Variants in USP11 observed in about 807,000 individuals in gnomAD.
USP11 encodes the protein ubiquitin carboxyl-terminal hydrolase 11.
USP11 carries 5 observed loss-of-function variants against 72.8 expected under a neutral mutation model. The observed-to-expected ratio is 0.07, with a 90% CI of 0.04 to 0.14. The LOEUF is 0.14. USP11 is among the 10% of genes least tolerant of loss of function. USP11 has a pLI of 1.00. For missense variants in USP11, 480 were observed against 794.7 expected (o/e 0.60, Z 4.76); for synonymous variants, 368 against 326.5 (o/e 1.13, Z -1.37).
At chrX:47,244,172 C>G (rs777710917) in intron 13 of USP11, among the ~76,000 whole-genome samples, 3 of 100,721 alleles carry the variant, frequency 3.0e-5, no homozygotes, top group Non-Finnish European at 5.9e-5. Flanking sequence ...GATCTTGGCT[C>G]ACTGCAACCT....
chrX:47,245,803 C>CA (rs1436299246), intron 17 of USP11, among the ~76,000 whole-genome samples: 7 of 111,465 alleles, frequency 6.3e-5, no homozygotes, highest in African/African-American at 2.3e-4. Flanking sequence ...CTTGGCCTTC[C>CA]AAAGTGCTGG....
rs1359383227 is a variant in USP11 at position 47,245,295 on chromosome X, C to T, written c.2158-75C>T. On this transcript the variant is annotated intron_variant, in intron 16 of 20. Transcript: ENST00000377107. ...TGACCCACTCAGTGTGTGTCTCCCCCGCTGGGCCCCCACTCCCCATTTCTC... is the reference window on the plus strand; with the variant it reads ...TGACCCACTCAGTGTGTGTCTCCCCTGCTGGGCCCCCACTCCCCATTTCTC... 3.0e-5 allele frequency: 30 copies of T among 1,011,467 alleles called. 1 individual carries two copies. The highest frequency in any genetic ancestry group is 5.6e-5 in the African/African-American group (3 of 53,199). 83.4% of individuals were successfully genotyped at this position (1,011,467 alleles called of 1,213,427 possible).
In USP11 at chrX:47,239,850, C is replaced by T. The variant is rs1173522282; in HGVS notation, c.478C>T (p.Arg160Trp). The change falls in exon 4 of 21, where the codon CGG becomes TGG. Residue 160 changes from arginine (R) to tryptophan (W), a missense_variant. Physicochemically the swap from Arg to Trp is moderately radical, Grantham distance 101 (BLOSUM62 -3). Around this residue, in one of 5 missense-constraint regions of USP11, gnomAD observed 80 missense variants for 100.9 expected, o/e 0.79. Transcript: ENST00000377107. ...GTACCCAGTAGAACTGCTGCTTGTC[C>T]GGCACAATGATTTGGGCAAATCTCA... is the stretch of plus-strand genomic sequence containing the variant. ...EVYPVELLLV[R>W]HNDLGKSHTV... is the part of the protein sequence containing the mutation. 4 of 1,209,941 alleles carry T rather than the reference C, an allele frequency of 3.3e-6. No homozygotes were observed. Among genetic ancestry groups the T allele is most frequent in the South Asian group, 1.8e-5 (1 of 56,840 alleles).
At position 47,248,175 on chromosome X, in the gene USP11, C is replaced by T. The variant is rs1328051904; in HGVS notation, c.*245C>T. 2.0e-5 allele frequency: 8 copies of T among 405,805 alleles called. No homozygotes were observed. The highest frequency in any genetic ancestry group is 3.3e-5 in the Non-Finnish European group (8 of 243,853). The allele number at this position is 405,805 out of a possible 1,213,427, so 33.4% of individuals were successfully genotyped here. A position where few individuals can be genotyped will look rare whatever the true frequency, so the allele number is the denominator to read the frequency against. On this transcript the variant is annotated 3_prime_UTR_variant, in exon 21 of 21. Transcript: ENST00000377107. The stretch of plus-strand genomic sequence containing the variant: ...TCCAGCAGTGACCCTCCCTTCTAGT[C>T]TTTATTTATGGTCGTGCCCTTCCCT...
chrX:47,242,213 C>A lies in USP11; in HGVS notation c.1311C>A (p.Pro437=). ...DCGNVSVTFD[P]FCYLSVPLPI... ...GCAATGTATCTGTGACCTTCGACCC[C>A]TTCTGCTACCTCAGTGTTCCACTGC... The change falls in exon 10 of 21, where the codon CCC becomes CCA. Residue 437 remains proline (P), a synonymous_variant. Transcript: ENST00000377107. The A allele has an allele frequency of 1.7e-6, 2 of 1,212,052 alleles. No homozygotes were observed. The highest frequency in any genetic ancestry group is 2.2e-6 in the Non-Finnish European group (2 of 895,516).
rs1270998007 is a variant in USP11, at chrX:47,239,775, C to G, written c.418-15C>G. Reference sequence around the variant, plus strand: ...GTGTGAGTACACCTGTGTCTGCACCCCTCTACTCTTACAGGTCATAGAGCT... The same window carrying G: ...GTGTGAGTACACCTGTGTCTGCACCGCTCTACTCTTACAGGTCATAGAGCT... On this transcript the variant is annotated splice_polypyrimidine_tract_variant and intron_variant, in intron 3 of 20. Coordinates refer to ENST00000377107, the MANE Select transcript of USP11 (RefSeq NM_001371072.1). 3 of 1,198,895 alleles carry G rather than the reference C, an allele frequency of 2.5e-6. No homozygotes were observed. Among genetic ancestry groups the G allele is most frequent in the Non-Finnish European group, 3.4e-6 (3 of 885,402 alleles).
chrX:47,236,737 T>C (rs1394992530), intron 1 of USP11, among the ~76,000 whole-genome samples: 1 of 112,404 alleles, frequency 8.9e-6, no homozygotes, highest in Non-Finnish European at 1.9e-5. Context: ...TAAGTGACTT[T>C]AGCAAGATCA....
intron 1 of USP11, 29 bp downstream of exon 1, chrX:47,233,248 C>T: frequency 8.9e-7 from 1 of 1,129,809 alleles, no homozygotes; most frequent in African/African-American, 1.9e-5. Context: ...GGAGCCTCGG[C>T]AGAGGGAACG....
Position 47,242,289 on chromosome X carries a change from C to T in USP11, c.1387C>T (p.Arg463Cys). 3 of 1,211,687 alleles carry T rather than the reference C, an allele frequency of 2.5e-6. No individual in the cohort carries two copies. The highest frequency in any genetic ancestry group is 3.4e-6 in the Non-Finnish European group (3 of 895,399). ...LEVFFIPMDP[R>C]RKPEQHRLVV... The stretch of plus-strand genomic sequence containing the variant: ...GGTCTTCTTTATCCCCATGGATCCG[C>T]GCCGCAAGCCAGAGCAGGTGTGGGG... Residue 463 changes from arginine to cysteine, a missense_variant, in exon 10 of 21, where the codon CGC becomes TGC. By Grantham distance (180) the Arg-to-Cys change is radical. Around this residue, in one of 5 missense-constraint regions of USP11, gnomAD observed 314 missense variants for 556.0 expected, o/e 0.56. Transcript: ENST00000377107.
At chrX:47,245,528 G>T in intron 17 of USP11, 46 bp downstream of exon 17, 5 of 822,845 alleles carry the variant, frequency 6.1e-6, no homozygotes, top group Non-Finnish European at 7.0e-6. Flanking sequence ...TCATTGGATG[G>T]AACTACTATA....
chrX:47,244,707 C>T lies in USP11; in HGVS notation c.1869C>T (p.Asp623=), dbSNP rs375381992. The change falls in exon 15 of 21, where the codon GAC becomes GAT. Residue 623 remains aspartate, a synonymous_variant. Transcript: ENST00000377107. ...EKEDDEEDKD[D]VPGPSTGGSL... is the part of the protein sequence containing the mutation. Reference sequence around the variant, plus strand: ...AAGATGACGAGGAGGATAAAGATGACGTCCCTGGGCCCTCAACTGGGGGCA... The same window carrying T: ...AAGATGACGAGGAGGATAAAGATGATGTCCCTGGGCCCTCAACTGGGGGCA... 16 of 1,205,851 alleles carry T rather than the reference C, an allele frequency of 1.3e-5. No homozygotes were observed. Among genetic ancestry groups the T allele is most frequent in the South Asian group, 1.8e-5 (1 of 56,165 alleles).
At chrX:47,233,629 G>A (rs1357725940) in intron 1 of USP11, 20 of 695,457 alleles carry the variant, frequency 2.9e-5, no homozygotes, top group Non-Finnish European at 3.3e-5. Context: ...GGGCGGCTGG[G>A]AACGAGGCGA....
At chrX:47,239,754 GAGTAC>G (rs1321669176) in intron 3 of USP11, 31 bp from the exon 4 acceptor site, 1 of 1,174,603 alleles carries the variant, frequency 8.5e-7, no homozygotes, top group African/African-American at 1.8e-5. Context: ...GTGTCTGTGT[GAGTAC>G]ACCTGTGTCT....
intron 17 of USP11, 100 bp from the exon 18 acceptor site, chrX:47,246,972 G>C: frequency 9.6e-7 from 1 of 1,041,605 alleles, no homozygotes; most frequent in Non-Finnish European, 1.3e-6. Context: ...AGTGATCCGA[G>C]ATCGCGCCAC....
rs774213603 is a variant in USP11, at chrX:47,242,293, G to A, written c.1391G>A (p.Arg464His). 1 of 1,211,148 alleles carries A rather than the reference G, an allele frequency of 8.3e-7. No homozygotes were observed. Among genetic ancestry groups the A allele is most frequent in the South Asian group, 1.8e-5 (1 of 56,844 alleles). ...TTCTTTATCCCCATGGATCCGCGCCGCAAGCCAGAGCAGGTGTGGGGCAGT... is the reference window on the plus strand; with the variant it reads ...TTCTTTATCCCCATGGATCCGCGCCACAAGCCAGAGCAGGTGTGGGGCAGT... ...EVFFIPMDPRRKPEQHRLVVP... is the reference protein window; with the variant it reads ...EVFFIPMDPRHKPEQHRLVVP... The change falls in exon 10 of 21, where the codon CGC becomes CAC. Residue 464 changes from arginine to histidine, a missense_variant. Around this residue, in one of 5 missense-constraint regions of USP11, gnomAD observed 314 missense variants for 556.0 expected, o/e 0.56. Transcript: ENST00000377107.
chrX:47,245,162 C>G, intron 16 of USP11, 76 bp downstream of exon 16: 1 of 1,131,913 alleles, frequency 8.8e-7, no homozygotes, highest in East Asian at 3.1e-5. Context: ...CCCACAACTC[C>G]TCTAGCTGGG....
chrX:47,239,322 C>T (rs769045853), intron 2 of USP11, 29 bp from the exon 3 acceptor site: 66 of 1,203,334 alleles, frequency 5.5e-5, no homozygotes, highest in Non-Finnish European at 6.7e-5. Context: ...GTTGATTCTT[C>T]CTCTGCCACC....
At chrX:47,233,416 T>C (rs893448193) in intron 1 of USP11, 197 bp downstream of exon 1, 1 of 1,072,272 alleles carries the variant, frequency 9.3e-7, no homozygotes, top group Non-Finnish European at 1.2e-6. Context: ...GGGCGGGGCC[T>C]GTGTGGTGCA....
chrX:47,245,179 G>A (rs1352536625), intron 16 of USP11, 93 bp downstream of exon 16: 2 of 1,086,727 alleles, frequency 1.8e-6, no homozygotes, highest in Non-Finnish European at 2.5e-6. Flanking sequence ...TGGGAACAGA[G>A]CCAAGAGATC....
Sources: allele counts gnomAD v4.1 joint callset (sites outside exome capture counted in the v4.1 genomes callset), GRCh38; gene constraint gnomAD v4.1.1; regional missense constraint gnomAD v4.1.1; transcripts MANE v1.5; gene names NCBI Gene and HGNC (gene_info 2026-07-23, HGNC 2026-07-21).